The following XIRP2 variants were observed in gnomAD, a reference collection of about 807,000 sequenced individuals.
The protein encoded by XIRP2 is xin actin binding repeat containing 2.
In XIRP2, 236 loss-of-function variants were observed where a neutral mutation model predicts 277.0. The observed-to-expected ratio is 0.85, with a 90% CI of 0.77 to 0.95. The LOEUF is 0.95. Ranked by LOEUF, XIRP2 falls within the 40% of genes least tolerant of loss-of-function variation. XIRP2 has a pLI of 0.00. For synonymous variants in XIRP2, 1,490 were observed against 1,416.5 expected (o/e 1.05, Z -1.17); for missense variants, 4,640 against 4,157.5 (o/e 1.12, Z -3.19).
intron 2 of XIRP2, among the ~76,000 whole-genome samples, chr2:167,062,315 A>G (rs1689190888): frequency 6.6e-6 from 1 of 152,200 alleles, no homozygotes; most frequent in African/African-American, 2.4e-5. Context: ...CCTCATTGCT[A>G]AACATTTAGC....
At chr2:167,208,812 C>T (rs1043208920) in intron 3 of XIRP2, among the ~76,000 whole-genome samples, 1 of 152,112 alleles carries the variant, frequency 6.6e-6, no homozygotes, top group African/African-American at 2.4e-5. Context: ...TTATGGATAA[C>T]ACACAAAATA....
intron 2 of XIRP2, among the ~76,000 whole-genome samples, chr2:167,008,549 A>G (rs1687568426): frequency 6.6e-6 from 1 of 151,712 alleles, no homozygotes; most frequent in African/African-American, 2.4e-5. Context: ...ATGGAAGGAA[A>G]TAAAGTGGAA....
chr2:167,174,401 G>C (rs1335614322), intron 3 of XIRP2, among the ~76,000 whole-genome samples: 1 of 152,126 alleles, frequency 6.6e-6, no homozygotes, highest in African/African-American at 2.4e-5. Context: ...TTGATTTGCT[G>C]AGAGATGTTT....
chr2:167,244,725 G>A lies in XIRP2; in HGVS notation c.3333G>A (p.Ser1111=), dbSNP rs377465352. The change falls in exon 9 of 11, where the codon TCG becomes TCA. Residue 1111 remains serine, a synonymous_variant. Coordinates refer to ENST00000409195, the MANE Select transcript of XIRP2 (RefSeq NM_152381.6). ...TGGAGTCTCTTTATGAAAAAGTTTC[G>A]TTAATGACCAGCAGTGAAGAAATTC... ...QPMESLYEKV[S]LMTSSEEIHK... 19 of 1,612,868 alleles carry A rather than the reference G, an allele frequency of 1.2e-5. No individual in the cohort carries two copies. Among genetic ancestry groups the A allele is most frequent in the South Asian group, 5.5e-5 (5 of 90,852 alleles).
chr2:166,996,854 C>A (rs141255573), intron 2 of XIRP2, among the ~76,000 whole-genome samples: 1 of 152,226 alleles, frequency 6.6e-6, no homozygotes, highest in Non-Finnish European at 1.5e-5. Flanking sequence ...CACTTCTGTC[C>A]AGATCCCACC....
intron 3 of XIRP2, among the ~76,000 whole-genome samples, chr2:167,174,669 T>C (rs927864504): frequency 4.3e-4 from 66 of 152,292 alleles, no homozygotes; most frequent in East Asian, 5.8e-4. Flanking sequence ...TTGAATTTGT[T>C]TGCTCTTGCT....
At chr2:166,934,859 A>T (rs948084170) in intron 2 of XIRP2, among the ~76,000 whole-genome samples, 4 of 148,966 alleles carry the variant, frequency 2.7e-5, no homozygotes, top group African/African-American at 9.8e-5. Flanking sequence ...ATAAAAAAAA[A>T]ATTTTTTAAA....
intron 2 of XIRP2, among the ~76,000 whole-genome samples, chr2:167,009,450 A>T (rs1574157582): frequency 6.6e-6 from 1 of 151,820 alleles, no homozygotes; most frequent in Non-Finnish European, 1.5e-5. Flanking sequence ...ACATTTTCTT[A>T]ATCCAGTGTA....
intron 2 of XIRP2, among the ~76,000 whole-genome samples, chr2:167,073,172 T>A (rs569093184): frequency 6.6e-6 from 1 of 152,262 alleles, no homozygotes; most frequent in African/African-American, 2.4e-5. Context: ...CAAAAATGAT[T>A]TATCTTTTTC....
intron 2 of XIRP2, among the ~76,000 whole-genome samples, chr2:167,100,169 T>C (rs1325439501): frequency 6.6e-6 from 1 of 150,762 alleles, no homozygotes; most frequent in Non-Finnish European, 1.5e-5. Flanking sequence ...AAAAAAAAAA[T>C]TAAAAAAAAA....
At chr2:167,253,015 A>T (rs1222107201) in intron 9 of XIRP2, among the ~76,000 whole-genome samples, 1 of 151,928 alleles carries the variant, frequency 6.6e-6, no homozygotes, top group African/African-American at 2.4e-5. Flanking sequence ...AAACATAAAA[A>T]TGTGTCCTCT....
intron 3 of XIRP2, among the ~76,000 whole-genome samples, chr2:167,194,898 G>C (rs1347998057): frequency 4.6e-5 from 7 of 152,064 alleles, no homozygotes. Flanking sequence ...ATAAGCTTTT[G>C]TTATTAATAT....
Position 167,106,608 on chromosome 2 carries a change from T to TA in XIRP2, c.409-29297dup, listed in dbSNP as rs1487660317. On this transcript the variant is annotated intron_variant, in intron 2 of 10. Coordinates refer to ENST00000409195, the MANE Select transcript of XIRP2 (RefSeq NM_152381.6). ...ATATAAAAATTCTTAAAATAAATCT[T>TA]AAAATCTTAAAATTCCTCCCAATTA... Among the ~76,000 whole-genome samples the TA allele has an allele frequency of 3.3e-5, 5 of 151,718 alleles. 1 individual carries two copies. The highest frequency in any genetic ancestry group is 3.3e-4 in the Admixed American group (5 of 15,220).
At chr2:167,043,100 A>G (rs1688701669) in intron 2 of XIRP2, among the ~76,000 whole-genome samples, 1 of 152,180 alleles carries the variant, frequency 6.6e-6, no homozygotes, top group Non-Finnish European at 1.5e-5. Context: ...AAAGTATGAA[A>G]TGAAGGCAGA....
rs764811323 is a variant in XIRP2, at chr2:167,251,422, CCA to C, written c.10031_10032del (p.Pro3344ArgfsTer3). 1.2e-6 allele frequency: 2 copies of C among 1,613,502 alleles called. No individual in the cohort carries two copies. The highest frequency in any genetic ancestry group is 3.3e-5 in the Admixed American group (2 of 59,952). ...ATGGTTCAGGGAATTTGAGCATGGC[CCA>C]GTTTCTGAAGCAAAGTCAAATAGAA... is the stretch of plus-strand genomic sequence containing the variant. ...NRWFREFEHGPVSEAKSNRRV... is the reference protein window; with the variant it reads ...NRWFREFEHGXVSEAKSNRRV... On this transcript the variant is annotated frameshift_variant, in exon 9 of 11. Coordinates refer to ENST00000409195, the MANE Select transcript of XIRP2 (RefSeq NM_152381.6). LOFTEE classifies it high-confidence loss of function.
intron 3 of XIRP2, among the ~76,000 whole-genome samples, chr2:167,171,563 G>A (rs1692690669): frequency 6.6e-6 from 1 of 152,106 alleles, no homozygotes; most frequent in South Asian, 2.1e-4. Context: ...TTTTATACAT[G>A]TCAACTAAGT....
chr2:166,932,011 T>A (rs1302334325), intron 2 of XIRP2, among the ~76,000 whole-genome samples: 1 of 152,340 alleles, frequency 6.6e-6, no homozygotes, highest in South Asian at 2.1e-4. Context: ...TAGTAACTAA[T>A]GATGTTAACC....
rs1695764857 is a variant in XIRP2, at chr2:167,259,145, A to T, written c.*1328A>T. 1.2e-6 allele frequency: 2 copies of T among 1,612,646 alleles called. No individual in the cohort carries two copies. Among genetic ancestry groups the T allele is most frequent in the African/African-American group, 2.7e-5 (2 of 74,782 alleles). ...AATAGATTCTGTAGATCAAATTAAA[A>T]ATATGCCATGCTTGGATTTAAGGGA... On this transcript the variant is annotated 3_prime_UTR_variant, in exon 11 of 11. Transcript: ENST00000409195.
chr2:167,086,944 G>A (rs1359135973), intron 2 of XIRP2, among the ~76,000 whole-genome samples: 1 of 152,196 alleles, frequency 6.6e-6, no homozygotes. Context: ...CTGTCAGCTG[G>A]CCAAAGTCAT....
Sources: allele counts gnomAD v4.1 joint callset (sites outside exome capture counted in the v4.1 genomes callset), GRCh38; gene constraint gnomAD v4.1.1; transcripts MANE v1.5; gene names NCBI Gene and HGNC (gene_info 2026-07-23, HGNC 2026-07-21).